KIAA1217: variants seen among roughly 807,000 people sequenced by gnomAD.
KIAA1217 encodes the protein KIAA1217, also known as sickle tail protein homolog.
In KIAA1217, 88 loss-of-function variants were observed where a neutral mutation model predicts 163.9. That is an observed-to-expected ratio of 0.54 (90% CI 0.45 to 0.64). The LOEUF is 0.64. Ranked by LOEUF, KIAA1217 falls within the 30% of genes least tolerant of loss-of-function variation. The pLI is 0.00. For missense variants in KIAA1217, 2,372 were observed against 2,475.0 expected (o/e 0.96, Z 0.88); for synonymous variants, 903 against 923.1 (o/e 0.98, Z 0.39).
In KIAA1217 at chr10:24,397,532, AC is replaced by A. The variant is rs1465705088; in HGVS notation, c.553+16467del. Among the ~76,000 whole-genome samples the A allele has an allele frequency of 2.0e-5, 3 of 152,310 alleles. No individual in the cohort carries two copies. The East Asian group carries it at 5.8e-4, about 29-fold the overall frequency. On this transcript the variant is annotated intron_variant, in intron 3 of 20. Coordinates refer to ENST00000376454, the MANE Select transcript of KIAA1217 (RefSeq NM_019590.5). ...GAACCCAAGCAGCCTTGTCTGTAGA[AC>A]CTACATACTTAACCACTACAATGTA... is the stretch of plus-strand genomic sequence containing the variant.
chr10:24,291,896 C>T (rs1590666191), intron 2 of KIAA1217, among the ~76,000 whole-genome samples: 1 of 152,124 alleles, frequency 6.6e-6, no homozygotes, highest in African/African-American at 2.4e-5. Flanking sequence ...TAAATTCTCC[C>T]ATATACACAT....
intron 1 of KIAA1217, among the ~76,000 whole-genome samples, chr10:23,824,639 AAAAAAAAAAAAT>A (rs1256511993): frequency 0.014 from 1,116 of 81,732 alleles, 18 homozygotes; most frequent in African/African-American, 0.057. Context: ...AAGAAAAAAA[AAAAAAAAAAAAT>A]AAAAAAAATA....
At chr10:24,344,869 A>C (rs2047526915) in intron 2 of KIAA1217, among the ~76,000 whole-genome samples, 1 of 152,234 alleles carries the variant, frequency 6.6e-6, no homozygotes, top group Non-Finnish European at 1.5e-5. Flanking sequence ...GGATTCAGTT[A>C]GTTGATACAA....
At chr10:23,985,884 C>G (rs1393914148) in intron 1 of KIAA1217, among the ~76,000 whole-genome samples, 1 of 152,126 alleles carries the variant, frequency 6.6e-6, no homozygotes, top group African/African-American at 2.4e-5. Context: ...CTTGTATTGT[C>G]CAAAGCACAT....
chr10:23,780,391 A>G (rs2130901024), intron 1 of KIAA1217, among the ~76,000 whole-genome samples: 1 of 152,302 alleles, frequency 6.6e-6, no homozygotes, highest in East Asian at 1.9e-4. Context: ...TATATAACTG[A>G]AACTTTGTAC....
intron 1 of KIAA1217, among the ~76,000 whole-genome samples, chr10:23,735,632 G>C (rs1838752159): frequency 6.6e-6 from 1 of 151,378 alleles, no homozygotes; most frequent in South Asian, 2.1e-4. Flanking sequence ...TTTTTAATTA[G>C]GTTATTTGCT....
intron 1 of KIAA1217, among the ~76,000 whole-genome samples, chr10:23,765,745 C>CGTAT (rs1834488399): frequency 2.0e-5 from 3 of 152,160 alleles, no homozygotes; most frequent in African/African-American, 7.2e-5. Context: ...CCTTGCTTCC[C>CGTAT]TTTTGCCTTC....
chr10:24,483,657 C>T (rs753992658), intron 6 of KIAA1217, among the ~76,000 whole-genome samples: 2 of 152,134 alleles, frequency 1.3e-5, no homozygotes, highest in Non-Finnish European at 2.9e-5. Context: ...ATGAGGTCCA[C>T]TCAAGAGACC....
intron 1 of KIAA1217, among the ~76,000 whole-genome samples, chr10:23,875,649 G>A (rs564814967): frequency 6.8e-4 from 104 of 152,084 alleles, no homozygotes; most frequent in African/African-American, 2.2e-3. Context: ...ACATACACAC[G>A]TATGTTTATT....
chr10:23,928,948 A>C (rs764965881), intron 1 of KIAA1217, among the ~76,000 whole-genome samples: 9 of 152,178 alleles, frequency 5.9e-5, no homozygotes, highest in Non-Finnish European at 1.0e-4. Flanking sequence ...ATGACAAGTC[A>C]ACTATGCAAA....
intron 1 of KIAA1217, among the ~76,000 whole-genome samples, chr10:23,818,099 A>ACC (rs1837428790): frequency 7.9e-6 from 1 of 126,060 alleles, no homozygotes; most frequent in African/African-American, 3.2e-5. Flanking sequence ...ATACATACAC[A>ACC]CACACACACA....
At position 24,201,137 on chromosome 10, in the gene KIAA1217, G is replaced by A. The variant is rs149505339; in HGVS notation, c.-170-18489G>A. On this transcript the variant is annotated intron_variant, in intron 2 of 18. Coordinates refer to the KIAA1217 transcript ENST00000376462. ...AATACAAAAATTAGCCAGACGTGGC[G>A]GCACGCACCTGTAATCCCAGCTACC... is the stretch of plus-strand genomic sequence containing the variant. Among the ~76,000 whole-genome samples the A allele has an allele frequency of 8.8e-3, 1,339 of 152,062 alleles. 26 individuals carry two copies. Among genetic ancestry groups the A allele is most frequent in the African/African-American group, 0.03 (1,242 of 41,454 alleles).
At chr10:23,918,893 C>T (rs1842734103) in intron 1 of KIAA1217, among the ~76,000 whole-genome samples, 1 of 152,070 alleles carries the variant, frequency 6.6e-6, no homozygotes, top group African/African-American at 2.4e-5. Context: ...AGAGTCAGAG[C>T]CAAGTCCCTA....
intron 2 of KIAA1217, among the ~76,000 whole-genome samples, chr10:24,051,507 A>G (rs1021610133): frequency 4.6e-5 from 7 of 152,102 alleles, no homozygotes; most frequent in African/African-American, 1.7e-4. Context: ...TCCACTATAA[A>G]CATATTTCCT....
At chr10:24,026,628 T>C (rs1847950153) in intron 2 of KIAA1217, among the ~76,000 whole-genome samples, 1 of 151,776 alleles carries the variant, frequency 6.6e-6, no homozygotes, top group Non-Finnish European at 1.5e-5. Flanking sequence ...TGATTCTCCT[T>C]TTTTTCTCAG....
At chr10:24,470,955 C>G (rs2063449135) in intron 5 of KIAA1217, among the ~76,000 whole-genome samples, 1 of 152,144 alleles carries the variant, frequency 6.6e-6, no homozygotes, top group African/African-American at 2.4e-5. Context: ...AAAGAAGGTG[C>G]CCTCTCCATG....
At position 24,473,623 on chromosome 10, in the gene KIAA1217, A is replaced by C; in HGVS notation, c.1242A>C (p.Pro414=). 6.2e-7 allele frequency: 1 copy of C among 1,614,148 alleles called. No individual in the cohort carries two copies. Among genetic ancestry groups the C allele is most frequent in the East Asian group, 2.2e-5 (1 of 44,860 alleles). ...MSIASSHGGH[P]LDVPDHIIAY... is the part of the protein sequence containing the mutation. ...TAGCCTCATCCCATGGTGGACACCCACTGGATGTCCCCGACCACATCATTG... is the reference window on the plus strand; with the variant it reads ...TAGCCTCATCCCATGGTGGACACCCCCTGGATGTCCCCGACCACATCATTG... The change falls in exon 6 of 21, where the codon CCA becomes CCC. Residue 414 remains proline (P), a synonymous_variant. Coordinates refer to ENST00000376454, the MANE Select transcript of KIAA1217 (RefSeq NM_019590.5).
In KIAA1217 at chr10:24,381,045, C is replaced by T. The variant is rs1173900010; in HGVS notation, c.531C>T (p.Asn177=). The change falls in exon 3 of 21, where the codon AAC becomes AAT. Residue 177 remains asparagine (N), a synonymous_variant. Transcript: ENST00000376454. ...RASLPVVRST[N]QTKERSLGVL... ...GCCTTCCTGTGGTGAGGTCAACCAACCAGACGAAAGAAAGATCTCTGGGTA... is the reference window on the plus strand; with the variant it reads ...GCCTTCCTGTGGTGAGGTCAACCAATCAGACGAAAGAAAGATCTCTGGGTA... 1.3e-6 allele frequency: 2 copies of T among 1,575,436 alleles called. No individual in the cohort carries two copies. Among genetic ancestry groups the T allele is most frequent in the Middle Eastern group, 1.7e-4 (1 of 5,886 alleles).
At chr10:23,976,381 T>A (rs1286028288) in intron 1 of KIAA1217, among the ~76,000 whole-genome samples, 2 of 152,172 alleles carry the variant, frequency 1.3e-5, no homozygotes, top group Admixed American at 6.6e-5. Context: ...TATTCTCAAA[T>A]AAACTGCAAC....
Sources: allele counts gnomAD v4.1 joint callset (sites outside exome capture counted in the v4.1 genomes callset), GRCh38; gene constraint gnomAD v4.1.1; transcripts MANE v1.5; gene names NCBI Gene and HGNC (gene_info 2026-07-23, HGNC 2026-07-21).